Variants in NOTCH3 observed in about 807,000 individuals in gnomAD.
NOTCH3 encodes the protein notch receptor 3, also known as neurogenic locus notch homolog protein 3.
NOTCH3 carries 86 observed loss-of-function variants against 213.3 expected under a neutral mutation model. That is an observed-to-expected ratio of 0.40 (90% CI 0.34 to 0.48). The LOEUF (loss-of-function observed/expected upper bound fraction) is 0.48, where lower values mean the gene tolerates loss of function less well. Ranked by LOEUF, NOTCH3 falls within the 20% of genes least tolerant of loss-of-function variation. The probability of loss-of-function intolerance (pLI) is 0.57; values close to 1 mark genes in which losing one functional copy is unlikely to be tolerated. For missense variants in NOTCH3, 2,783 were observed against 3,272.6 expected (o/e 0.85, Z 3.65); for synonymous variants, 1,354 against 1,355.9 (o/e 1.00, Z 0.03).
intron 16 of NOTCH3, among the ~76,000 whole-genome samples, chr19:15,182,831 G>A (rs1241355501): frequency 3.3e-5 from 5 of 151,936 alleles, no homozygotes; most frequent in Admixed American, 6.6e-5. Flanking sequence ...TAGTAGAGAC[G>A]GGGCTTCTCC....
At chr19:15,173,066 T>TTCC (rs1356342382) in intron 25 of NOTCH3, among the ~76,000 whole-genome samples, 1,643 of 5,124 alleles carry the variant, frequency 0.32, 567 homozygotes, top group Middle Eastern at 0.5. Flanking sequence ...CTTCTTCTTC[T>TTCC]TCTTCTTCTT....
rs2046812022 is a variant in NOTCH3, at chr19:15,178,630, C to G, written c.3837+193G>C. 4 of 630,180 alleles carry G rather than the reference C, an allele frequency of 6.3e-6. No individual in the cohort carries two copies. The South Asian group carries it at 7.1e-5, about 11-fold the overall frequency. The allele number at this position is 630,180 out of a possible 1,614,324, so 39.0% of individuals were successfully genotyped here. A position where few individuals can be genotyped will look rare whatever the true frequency, so the allele number is the denominator to read the frequency against. ...TAACTCCTGGCCTCAAGTGATCCTC[C>G]CGCCTCGGCCTCCCAATGTGCTGGG... On this transcript the variant is annotated intron_variant, in intron 23 of 32. Coordinates refer to ENST00000263388, the MANE Select transcript of NOTCH3 (RefSeq NM_000435.3).
chr19:15,179,302 G>C lies in NOTCH3; in HGVS notation c.3461-20C>G. The C allele has an allele frequency of 1.9e-6, 3 of 1,611,188 alleles. No homozygotes were observed. The highest frequency in any genetic ancestry group is 2.5e-6 in the Non-Finnish European group (3 of 1,178,038). On this transcript the variant is annotated intron_variant, in intron 21 of 32. Transcript: ENST00000263388. ...GCACCCCTGGGGGAAGAAACGAGGG[G>C]TGGTCAAGAGGGAATGAAGACAGCC...
At position 15,187,294 on chromosome 19, in the gene NOTCH3, G is replaced by A. The variant is rs761209435; in HGVS notation, c.1651C>T (p.Pro551Ser). 7.4e-6 allele frequency: 12 copies of A among 1,613,920 alleles called. No homozygotes were observed. The highest frequency in any genetic ancestry group is 5.3e-5 in the African/African-American group (4 of 74,926). Residue 551 changes from proline to serine, a missense_variant, in exon 11 of 33, where the codon CCT becomes TCT. Transcript: ENST00000263388. ...LCDRNVDDCS[P>S]DPCHHGRCVD... ...CAGCGACCATGGTGGCATGGGTCAG[G>A]GGAGCAGTCGTCCACGTTGCGATCA...
intron 24 of NOTCH3, among the ~76,000 whole-genome samples, chr19:15,175,261 G>A (rs944544769): frequency 9.3e-5 from 14 of 151,216 alleles, no homozygotes; most frequent in East Asian, 2.0e-4. Flanking sequence ...GGCTGGGTGC[G>A]GTGGCTCATG....
In NOTCH3 at chr19:15,174,093, G is replaced by C. The variant is rs2145408423; in HGVS notation, c.4711C>G (p.Arg1571Gly). 6.3e-7 allele frequency: 1 copy of C among 1,588,996 alleles called. No individual in the cohort carries two copies. Among genetic ancestry groups the C allele is most frequent in the Non-Finnish European group, 8.6e-7 (1 of 1,163,494 alleles). The change falls in exon 25 of 33, where the codon CGG becomes GGG. Residue 1571 changes from arginine (R) to glycine (G), a missense_variant. Arg to Gly is a moderately radical substitution (Grantham distance 125). Transcript: ENST00000263388. ...PSPGSEPRAR[R>G]ELAPEVIGSV... is the part of the protein sequence containing the mutation. ...CCGATCACCTCGGGGGCCAGCTCCCGACGGGCCCGGGGTTCGGAGCCAGGA... is the reference window on the plus strand; with the variant it reads ...CCGATCACCTCGGGGGCCAGCTCCCCACGGGCCCGGGGTTCGGAGCCAGGA...
rs2046805915 is a variant in NOTCH3, at chr19:15,177,932, C to G, written c.3996G>C (p.Pro1332=). The part of the protein sequence containing the change: ...PSCRSFPGSP[P]GASNASCAAA... ...CCGCGCAGCTGGCGTTGCTGGCCCC[C>G]GGCGGCGACCCCGGGAAGCTGCGGC... The change falls in exon 24 of 33, where the codon CCG becomes CCC. Residue 1332 remains proline (P), a synonymous_variant. Transcript: ENST00000263388. 1 of 1,292,056 alleles carries G rather than the reference C, an allele frequency of 7.7e-7. No homozygotes were observed. Among genetic ancestry groups the G allele is most frequent in the Non-Finnish European group, 9.8e-7 (1 of 1,023,228 alleles). 80.0% of individuals were successfully genotyped at this position (1,292,056 alleles called of 1,614,324 possible).
rs1315111334 is a variant in NOTCH3, at chr19:15,167,340, A to T, written c.5271T>A (p.Ala1757=). The stretch of plus-strand genomic sequence containing the variant: ...TGGCTGGTGCCACGCGGATGTCAGC[A>T]GCAACCAGATGGTGTTGAGTCCACT... ...CRQWTQHHLV[A]ADIRVAPAMA... The change falls in exon 29 of 33, where the codon GCT becomes GCA. Residue 1757 remains alanine (A), a synonymous_variant. Coordinates refer to ENST00000263388, the MANE Select transcript of NOTCH3 (RefSeq NM_000435.3). 6.2e-7 allele frequency: 1 copy of T among 1,613,018 alleles called. No homozygotes were observed. Among genetic ancestry groups the T allele is most frequent in the Non-Finnish European group, 8.5e-7 (1 of 1,180,022 alleles).
rs938301671 is a variant in NOTCH3 at position 15,165,259 on chromosome 19, G to A, written c.5815+109C>T. The A allele has an allele frequency of 2.1e-5, 25 of 1,163,442 alleles. No individual in the cohort carries two copies. Among genetic ancestry groups the A allele is most frequent in the Non-Finnish European group, 2.7e-5 (21 of 783,780 alleles). 72.1% of individuals were successfully genotyped at this position (1,163,442 alleles called of 1,614,324 possible). ...CTTCATGAAGCCTGGTTATGTGTGC[G>A]TGAGCTTCAGTGATTGGGTCTCAAC... is the stretch of plus-strand genomic sequence containing the variant. On this transcript the variant is annotated intron_variant, in intron 31 of 32. Coordinates refer to ENST00000263388, the MANE Select transcript of NOTCH3 (RefSeq NM_000435.3). The surrounding 1 kb of genome is among the most constrained non-coding windows in gnomAD (Gnocchi z 4.7).
At chr19:15,193,815 G>A (rs1356987306) in intron 2 of NOTCH3, among the ~76,000 whole-genome samples, 2 of 148,222 alleles carry the variant, frequency 1.3e-5, no homozygotes, top group East Asian at 4.0e-4. Flanking sequence ...CAGGCGCAGT[G>A]GCTCATGCCT....
intron 2 of NOTCH3, 149 bp from the exon 3 acceptor site, chr19:15,192,668 A>C (rs1232380749): frequency 2.9e-5 from 34 of 1,184,096 alleles, no homozygotes; most frequent in Non-Finnish European, 3.3e-5. Flanking sequence ...TAATCCCAGA[A>C]CTTTGGGAGG....
In NOTCH3 at chr19:15,185,655, T is replaced by G. The variant is rs749733387; in HGVS notation, c.1976A>C (p.Asn659Thr). The G allele has an allele frequency of 1.9e-6, 3 of 1,613,462 alleles. No homozygotes were observed. In the South Asian group the frequency reaches 3.3e-5, roughly 18 times the overall value. Residue 659 changes from asparagine to threonine, a missense_variant, in exon 13 of 33, where the codon AAT (asparagine) becomes ACT (threonine). By Grantham distance (65) the Asn-to-Thr change is moderately conservative (BLOSUM62 0). Around this residue, in one of 6 missense-constraint regions of NOTCH3, gnomAD observed 861 missense variants for 909.1 expected, o/e 0.95. Transcript: ENST00000263388. This position sits in a 1 kb window ranked among gnomAD's most constrained non-coding sequence, Gnocchi z 4.2. The stretch of plus-strand genomic sequence containing the variant: ...GCCGCATGGGCTGGAAGCACACTCA[T>G]TGATCTCCACGTTACAAAGGGGCCC... ...FTGPLCNVEI[N>T]ECASSPCGEG...
chr19:15,175,590 T>TAC lies in NOTCH3; in HGVS notation c.4404-1192_4404-1191dup, dbSNP rs1555727085. Reference sequence around the variant, plus strand: ...ATATATATATGTATATATATGTATATACACACACACACACACACACACACG... The same window carrying TAC: ...ATATATATATGTATATATATGTATATACACACACACACACACACACACACACG... On this transcript the variant is annotated intron_variant, in intron 24 of 32. Transcript: ENST00000263388. Among the ~76,000 whole-genome samples the TAC allele has an allele frequency of 9.1e-3, 975 of 107,124 alleles. 19 individuals are homozygous for TAC. The highest frequency in any genetic ancestry group is 0.015 in the African/African-American group (418 of 27,920). 70.3% of individuals were successfully genotyped at this position (107,124 alleles called of 152,430 possible).
At chr19:15,180,920 C>T in intron 18 of NOTCH3, 41 bp downstream of exon 18, 1 of 1,583,646 alleles carries the variant, frequency 6.3e-7, no homozygotes, top group Middle Eastern at 1.7e-4. Flanking sequence ...CCTAGGATCC[C>T]AGGCAGGCTC....
At chr19:15,187,396 G>A (rs1411125889) in intron 10 of NOTCH3, 58 bp from the exon 11 acceptor site, 2 of 1,492,312 alleles carry the variant, frequency 1.3e-6, no homozygotes, top group Non-Finnish European at 1.8e-6. Context: ...CCACAAGTGA[G>A]GCCTCGGACC....
At position 15,174,357 on chromosome 19, in the gene NOTCH3, G is replaced by A; in HGVS notation, c.4447C>T (p.Arg1483Cys). The A allele has an allele frequency of 1.2e-5, 18 of 1,546,550 alleles. No homozygotes were observed. Among genetic ancestry groups the A allele is most frequent in the Non-Finnish European group, 1.6e-5 (18 of 1,143,876 alleles). ...TCCGTGTTGCAGCCCTGGTCGCAGC[G>A]GCCGTCGGCAAAGTGGTCGGCGCAG... ...KYCADHFADG[R>C]CDQGCNTEEC... Residue 1483 changes from arginine (R) to cysteine (C), a missense_variant, in exon 25 of 33, where the codon CGC (arginine) becomes TGC (cysteine). Arg to Cys is a radical substitution (Grantham distance 180). Transcript: ENST00000263388.
chr19:15,175,357 AC>A (rs36163304), intron 24 of NOTCH3, among the ~76,000 whole-genome samples: 19,713 of 132,276 alleles, frequency 0.15, 2,535 homozygotes, highest in African/African-American at 0.34. Flanking sequence ...AAATGGTGAA[AC>A]CCCCGTCTCT....
At position 15,179,395 on chromosome 19, in the gene NOTCH3, G is replaced by T; in HGVS notation, c.3429C>A (p.Arg1143=). The stretch of plus-strand genomic sequence containing the variant: ...TTCCTGGGGGACAGGAGCAGAGATA[G>T]CGGGCCACGAGGTCAATGCATGAAC... The part of the protein sequence containing the change: ...HGGSCIDLVA[R]YLCSCPPGTL... Residue 1143 remains arginine (R), a synonymous_variant, in exon 21 of 33, where the codon CGC becomes CGA. Transcript: ENST00000263388. 1 of 1,614,138 alleles carries T rather than the reference G, an allele frequency of 6.2e-7. No individual in the cohort carries two copies. Among genetic ancestry groups the T allele is most frequent in the Non-Finnish European group, 8.5e-7 (1 of 1,180,038 alleles).
intron 1 of NOTCH3, among the ~76,000 whole-genome samples, chr19:15,197,845 C>T (rs1457185387): frequency 1.3e-5 from 2 of 148,828 alleles, no homozygotes; most frequent in East Asian, 4.0e-4. Context: ...CTGTCTTATG[C>T]CAGATGTGGG....
Sources: gnomAD v4.1 joint callset for allele counts (sites outside exome capture counted in the v4.1 genomes callset) on GRCh38, gnomAD v4.1.1 for gene constraint, gnomAD v4.1.1 regional missense constraint, Gnocchi (gnomAD v3.1) non-coding constraint, MANE v1.5 for transcripts, NCBI Gene and HGNC (gene_info 2026-07-23, HGNC 2026-07-21) for gene names.